CLDN16: variants seen among roughly 807,000 people sequenced by gnomAD.
CLDN16 encodes claudin 16, also known as claudin-16.
Under a neutral mutation model 24.6 loss-of-function variants are expected in CLDN16, and 13 were observed. The observed-to-expected ratio is 0.53, with a 90% CI of 0.34 to 0.84. CLDN16 has a LOEUF of 0.84. CLDN16 is among the 40% of genes least tolerant of loss of function. The pLI, the probability that CLDN16 is intolerant of heterozygous loss-of-function variation, is 0.01. For missense variants in CLDN16, 298 were observed against 292.7 expected, an observed-to-expected ratio of 1.02 and a Z score of -0.13; for synonymous variants, 116 against 106.7, an observed-to-expected ratio of 1.09 and a Z score of -0.54.
chr3:190,393,379 G>A lies in CLDN16; in HGVS notation c.114+4936G>A, dbSNP rs1718728551. Among the ~76,000 whole-genome samples the A allele has an allele frequency of 3.3e-5, 5 of 152,168 alleles. No individual in the cohort carries two copies. In the South Asian group the frequency reaches 1.0e-3, roughly 32 times the overall value. On this transcript the variant is annotated intron_variant, in intron 1 of 4. Coordinates refer to ENST00000264734, the MANE Select transcript of CLDN16 (RefSeq NM_006580.4). ...TAACTTTATATCAGAGGGACCTGAG[G>A]TTAAATCCCACCTTACCAGGCAGTG... is the stretch of plus-strand genomic sequence containing the variant.
At chr3:190,328,379 G>A (rs1292404116) in intron 1 of CLDN16, among the ~76,000 whole-genome samples, 4 of 152,098 alleles carry the variant, frequency 2.6e-5, no homozygotes, top group Non-Finnish European at 2.9e-5. Flanking sequence ...CATGATGTTA[G>A]GCAAGTTAAT....
At chr3:190,305,782 G>A in the CLDN16 span, 1 of 152,122 alleles carries the variant, frequency 6.6e-6, no homozygotes, top group Non-Finnish European at 1.5e-5. Context: ...ACCCCAAAAT[G>A]TCTATTGGTC....
the CLDN16 span, chr3:190,308,089 A>G: frequency 1.5e-6 from 1 of 645,680 alleles, no homozygotes; most frequent in Non-Finnish European, 2.6e-6. Flanking sequence ...AGGAAAGAAG[A>G]TAAAATAAGA....
chr3:190,362,242 T>C (rs934809944), intron 1 of CLDN16, among the ~76,000 whole-genome samples: 5 of 151,996 alleles, frequency 3.3e-5, no homozygotes, highest in African/African-American at 1.2e-4. Flanking sequence ...AGTGAGGCCA[T>C]TTCAGCATCA....
chr3:190,337,431 G>C (rs147791830), intron 1 of CLDN16, among the ~76,000 whole-genome samples: 81 of 152,286 alleles, frequency 5.3e-4, no homozygotes, highest in African/African-American at 1.9e-3. Context: ...TGTGGAGAAT[G>C]GCCCAATAGA....
chr3:190,373,546 T>C (rs916517793), intron 2 of CLDN16, among the ~76,000 whole-genome samples: 34 of 152,138 alleles, frequency 2.2e-4, no homozygotes, highest in Middle Eastern at 3.4e-3. Context: ...ACTAAACTTG[T>C]TAAGTATAGT....
At chr3:190,347,424 A>G (rs1381794016) in intron 1 of CLDN16, among the ~76,000 whole-genome samples, 1 of 152,202 alleles carries the variant, frequency 6.6e-6, no homozygotes, top group African/African-American at 2.4e-5. Flanking sequence ...TGAAGTGCCC[A>G]AGGAACATAT....
chr3:190,344,022 T>G (rs1337497624), intron 1 of CLDN16, among the ~76,000 whole-genome samples: 2 of 151,364 alleles, frequency 1.3e-5, no homozygotes, highest in African/African-American at 4.9e-5. Context: ...TTTGCTATTT[T>G]GTTTCACTGC....
At chr3:190,327,912 C>T (rs1482319393) in intron 1 of CLDN16, among the ~76,000 whole-genome samples, 1 of 152,110 alleles carries the variant, frequency 6.6e-6, no homozygotes, top group Admixed American at 6.6e-5. Context: ...AATTTTGACT[C>T]ACAAGTAGAT....
upstream of CLDN16, among the ~76,000 whole-genome samples, chr3:190,384,966 A>G (rs1437236460): frequency 1.3e-5 from 2 of 152,104 alleles, no homozygotes; most frequent in African/African-American, 4.8e-5. Context: ...ATGCCTATAT[A>G]CTCTTATTGG....
the CLDN16 span, among the ~76,000 whole-genome samples, chr3:190,298,608 A>G: frequency 6.6e-6 from 1 of 152,104 alleles, no homozygotes; most frequent in African/African-American, 2.4e-5. Flanking sequence ...GGCATGTGCC[A>G]CCACGCCCAG....
At chr3:190,374,818 C>T (rs1718215324) in intron 3 of CLDN16, among the ~76,000 whole-genome samples, 1 of 151,968 alleles carries the variant, frequency 6.6e-6, no homozygotes, top group South Asian at 2.1e-4. Context: ...AAAAATTCTA[C>T]ATGTATTGTG....
chr3:190,381,902 A>G (rs1718379900), intron 3 of CLDN16, among the ~76,000 whole-genome samples: 1 of 152,098 alleles, frequency 6.6e-6, no homozygotes, highest in East Asian at 1.9e-4. Context: ...TTTTTGATTT[A>G]CAAAGAAGAG....
intron 1 of CLDN16, among the ~76,000 whole-genome samples, chr3:190,345,731 G>A (rs1301617536): frequency 6.6e-6 from 1 of 152,112 alleles, no homozygotes; most frequent in Non-Finnish European, 1.5e-5. Context: ...GTGAAATACA[G>A]GAAGAGGCTA....
At chr3:190,350,276 G>C (rs1717642338) in intron 1 of CLDN16, among the ~76,000 whole-genome samples, 1 of 150,828 alleles carries the variant, frequency 6.6e-6, no homozygotes, top group Non-Finnish European at 1.5e-5. Flanking sequence ...CCCAAAGTCT[G>C]GTGTGAAATG....
rs540318558 is a variant in CLDN16, at chr3:190,329,515, C to T, written n.121+6854C>T. The stretch of plus-strand genomic sequence containing the variant: ...TACAGTATGTCAATCTTTATTATGG[C>T]TCTTTCCTGAGGGATTTTCAAGAAC... On this transcript the variant is annotated intron_variant and non_coding_transcript_variant, in intron 1 of 4. Coordinates refer to the CLDN16 transcript ENST00000468220. Among the ~76,000 whole-genome samples, 19 of 152,254 alleles carry T rather than the reference C, an allele frequency of 1.2e-4. 1 individual carries two copies. The highest frequency in any genetic ancestry group is 4.6e-4 in the African/African-American group (19 of 41,542).
intron 4 of CLDN16, among the ~76,000 whole-genome samples, chr3:190,409,390 T>G (rs1719211390): frequency 6.6e-6 from 1 of 151,904 alleles, no homozygotes; most frequent in East Asian, 1.9e-4. Flanking sequence ...TATAATTGTA[T>G]GCATATATGT....
intron 2 of CLDN16, among the ~76,000 whole-genome samples, chr3:190,373,796 T>G (rs1240422274): frequency 1.3e-5 from 2 of 151,624 alleles, no homozygotes; most frequent in African/African-American, 4.8e-5. Context: ...GTAGGAAATA[T>G]AGATGATAGT....
At chr3:190,336,867 T>C (rs1241888070) in intron 1 of CLDN16, among the ~76,000 whole-genome samples, 1 of 152,322 alleles carries the variant, frequency 6.6e-6, no homozygotes, top group African/African-American at 2.4e-5. Flanking sequence ...CCAACAGCAA[T>C]TATTTATAAA....
Sources: gnomAD v4.1 joint callset for allele counts (sites outside exome capture counted in the v4.1 genomes callset) on GRCh38, gnomAD v4.1.1 for gene constraint, MANE v1.5 for transcripts, NCBI Gene and HGNC (gene_info 2026-07-23, HGNC 2026-07-21) for gene names.